AHNAK: variants seen among roughly 807,000 people sequenced by gnomAD.
AHNAK encodes the protein neuroblast differentiation-associated protein AHNAK.
Under a neutral mutation model 37.8 loss-of-function variants are expected in AHNAK, and 23 were observed. The ratio of observed to expected loss-of-function variants is 0.61; its 90% CI spans 0.44 to 0.86. AHNAK has a LOEUF of 0.86. AHNAK is among the 40% of genes least tolerant of loss of function. The pLI, the probability that AHNAK is intolerant of heterozygous loss-of-function variation, is 0.00. For missense variants in AHNAK, 7,411 were observed against 7,319.4 expected (o/e 1.01, Z -0.46); for synonymous variants, 2,481 against 2,636.3 (o/e 0.94, Z 1.80).
At chr11:62,447,209 C>A (rs1441713983) in intron 5 of AHNAK, among the ~76,000 whole-genome samples, 1 of 152,164 alleles carries the variant, frequency 6.6e-6, no homozygotes, top group Non-Finnish European at 1.5e-5. Flanking sequence ...CTATTCCCTC[C>A]TTACTCAAAA....
rs113684030 is a variant in AHNAK at position 62,440,624 on chromosome 11, C to T, written c.443-6733G>A. Among the ~76,000 whole-genome samples, 1,402 of 152,190 alleles carry T rather than the reference C, an allele frequency of 9.2e-3. 21 individuals carry two copies. The highest frequency in any genetic ancestry group is 0.033 in the African/African-American group (1,356 of 41,508). ...GTCATGATCACTTCTTAGTTTAACC[C>T]TATAATCAGGGGGGAAATGATGCTT... On this transcript the variant is annotated intron_variant, in intron 5 of 5. Coordinates refer to the AHNAK transcript ENST00000257247.
chr11:62,514,853 G>A (rs1939979435), downstream of AHNAK, among the ~76,000 whole-genome samples: 3 of 152,150 alleles, frequency 2.0e-5, no homozygotes, highest in African/African-American at 7.2e-5. Context: ...GCTGGCCACG[G>A]TGAGGACAGA....
rs374998460 is a variant in AHNAK, at chr11:62,538,512, C to A, written c.-99-1945G>T. 1.1e-4 allele frequency among the ~76,000 whole-genome samples: 17 copies of A among 152,300 alleles called. No individual in the cohort carries two copies. The East Asian group carries it at 3.3e-3, about 29-fold the overall frequency. On this transcript the variant is annotated intron_variant, in intron 1 of 4. Coordinates refer to ENST00000378024, the MANE Select transcript of AHNAK (RefSeq NM_001620.3). ...ACTATAAGTCATGGGGAACCTAAGCCAAAGCCCCGCCTACAGCCGTTTACA... is the reference window on the plus strand; with the variant it reads ...ACTATAAGTCATGGGGAACCTAAGCAAAAGCCCCGCCTACAGCCGTTTACA...
intron 4 of AHNAK, among the ~76,000 whole-genome samples, chr11:62,506,013 C>CAAA (rs10608015): frequency 2.6e-4 from 11 of 43,046 alleles, no homozygotes; most frequent in Admixed American, 3.8e-4. Context: ...CTGTCTCTAC[C>CAAA]AAAAAAAAAA....
chr11:62,527,785 C>G lies in AHNAK; in HGVS notation c.6632G>C (p.Gly2211Ala), dbSNP rs750680778. ...DMDVSVPKVE[G>A]EMKVPDVDIR... ...GTCAACATCTGGCACTTTCATTTCA[C>G]CTTCTACCTTGGGAACAGACACATC... The change falls in exon 5 of 5, where the codon GGT (glycine) becomes GCT (alanine). Residue 2211 changes from glycine to alanine, a missense_variant. Physicochemically the swap from Gly to Ala is moderately conservative, Grantham distance 60 (BLOSUM62 0). Coordinates refer to ENST00000378024, the MANE Select transcript of AHNAK (RefSeq NM_001620.3). 1.2e-6 allele frequency: 2 copies of G among 1,613,844 alleles called. No homozygotes were observed. The highest frequency in any genetic ancestry group is 1.7e-6 in the Non-Finnish European group (2 of 1,179,978).
At chr11:62,466,488 T>G (rs1938915297) in intron 5 of AHNAK, among the ~76,000 whole-genome samples, 1 of 150,980 alleles carries the variant, frequency 6.6e-6, no homozygotes, top group Non-Finnish European at 1.5e-5. Flanking sequence ...TTTTTTTTTT[T>G]TTTACCAGAC....
At chr11:62,513,263 G>A (rs972221502), downstream of AHNAK, among the ~76,000 whole-genome samples, 5 of 152,190 alleles carry the variant, frequency 3.3e-5, no homozygotes, top group South Asian at 2.1e-4. Context: ...TAGGCCGGGC[G>A]CCATGGCTCA....
chr11:62,457,908 A>ATTTT (rs373610508), intron 5 of AHNAK, among the ~76,000 whole-genome samples: 8 of 123,510 alleles, frequency 6.5e-5, no homozygotes, highest in East Asian at 2.5e-4. Flanking sequence ...GAGAAGCTGA[A>ATTTT]TTTTTTTTTT....
Position 62,526,547 on chromosome 11 carries a change from C to T in AHNAK, c.7870G>A (p.Ala2624Thr). The change falls in exon 5 of 5, where the codon GCC (alanine) becomes ACC (threonine). Residue 2624 changes from alanine (A) to threonine (T), a missense_variant. Coordinates refer to ENST00000378024, the MANE Select transcript of AHNAK (RefSeq NM_001620.3). Reference sequence around the variant, plus strand: ...GGGCCTTGAACACCCACATCTGGGGCATTAATATCCACTTTGGGCCCCTTG... The same window carrying T: ...GGGCCTTGAACACCCACATCTGGGGTATTAATATCCACTTTGGGCCCCTTG... ...DIKGPKVDIN[A>T]PDVGVQGPDW... 6.2e-7 allele frequency: 1 copy of T among 1,612,662 alleles called. No homozygotes were observed. The highest frequency in any genetic ancestry group is 8.5e-7 in the Non-Finnish European group (1 of 1,179,742).
At chr11:62,458,188 G>A (rs772543267) in intron 5 of AHNAK, among the ~76,000 whole-genome samples, 2 of 152,102 alleles carry the variant, frequency 1.3e-5, no homozygotes, top group Non-Finnish European at 2.9e-5. Flanking sequence ...AAAGTGCTGG[G>A]ATTATAGGCG....
intron 5 of AHNAK, among the ~76,000 whole-genome samples, chr11:62,480,826 A>AG (rs1939255426): frequency 2.8e-5 from 4 of 140,656 alleles, no homozygotes; most frequent in Admixed American, 7.7e-5. Context: ...AAAAAAAAAA[A>AG]ACCTGGATTT....
In AHNAK at chr11:62,517,395, A is replaced by C; in HGVS notation, c.17022T>G (p.Val5674=). 1 of 1,614,190 alleles carries C rather than the reference A, an allele frequency of 6.2e-7. No individual in the cohort carries two copies. The highest frequency in any genetic ancestry group is 8.5e-7 in the Non-Finnish European group (1 of 1,180,012). The stretch of plus-strand genomic sequence containing the variant: ...GAACATCCACCCCCATTTCTCTGCC[A>C]ACCAGCTCACGGCCAGAGAAGGTAA... ...PKFTFSGREL[V]GREMGVDVHF... is the part of the protein sequence containing the mutation. The change falls in exon 5 of 5, where the codon GTT becomes GTG. Residue 5674 remains valine (V), a synonymous_variant. Transcript: ENST00000378024.
At position 62,519,987 on chromosome 11, in the gene AHNAK, A is replaced by T. The variant is rs1565225462; in HGVS notation, c.14430T>A (p.Asp4810Glu). 6.2e-7 allele frequency: 1 copy of T among 1,613,544 alleles called. No homozygotes were observed. The highest frequency in any genetic ancestry group is 2.2e-5 in the East Asian group (1 of 44,822). ...VDVSLPKADI[D>E]VSGPKVDVDI... is the part of the protein sequence containing the mutation. ...CAACGTCCACCTTGGGTCCCGAGAC[A>T]TCGATGTCGGCCTTGGGCAGGCTCA... is the stretch of plus-strand genomic sequence containing the variant. Residue 4810 changes from aspartate to glutamate, a missense_variant, in exon 5 of 5, where the codon GAT (aspartate) becomes GAA (glutamate). Transcript: ENST00000378024.
intron 4 of AHNAK, among the ~76,000 whole-genome samples, chr11:62,499,712 A>G (rs937158358): frequency 2.6e-5 from 4 of 152,214 alleles, no homozygotes; most frequent in Non-Finnish European, 4.4e-5. Flanking sequence ...TGGGATGCCA[A>G]TGAGACTTCC....
intron 4 of AHNAK, among the ~76,000 whole-genome samples, chr11:62,503,384 G>A (rs575547483): frequency 6.6e-6 from 1 of 152,088 alleles, no homozygotes; most frequent in African/African-American, 2.4e-5. Flanking sequence ...TAAGGAGTTC[G>A]AGACCAGCCT....
At chr11:62,485,078 C>T (rs1468236395) in intron 5 of AHNAK, among the ~76,000 whole-genome samples, 4 of 152,088 alleles carry the variant, frequency 2.6e-5, no homozygotes, top group Non-Finnish European at 1.5e-5. Context: ...CGTGAGCCAC[C>T]GTGCCTGGCC....
At chr11:62,438,490 A>AT (rs1430136816) in intron 5 of AHNAK, among the ~76,000 whole-genome samples, 3 of 151,582 alleles carry the variant, frequency 2.0e-5, no homozygotes, top group African/African-American at 4.8e-5. Flanking sequence ...TCTTTTTCTC[A>AT]TTTTTTTAAT....
intron 5 of AHNAK, among the ~76,000 whole-genome samples, chr11:62,443,578 T>A (rs1209204436): frequency 6.6e-6 from 1 of 152,164 alleles, no homozygotes; most frequent in Admixed American, 6.6e-5. Context: ...GGCTGGGTCT[T>A]GCTCATCTTG....
chr11:62,527,616 C>T lies in AHNAK; in HGVS notation c.6801G>A (p.Leu2267=), dbSNP rs1319208664. 20 of 1,613,950 alleles carry T rather than the reference C, an allele frequency of 1.2e-5. No individual in the cohort carries two copies. The highest frequency in any genetic ancestry group is 1.7e-5 in the Non-Finnish European group (20 of 1,179,996). ...CTGAGACATCAACGTCAGCCTTGGG[C>T]AAGTTCACATCCACTTCTGGGCCCT... ...KGEGPEVDVN[L]PKADVDVSGP... Residue 2267 remains leucine (L), a synonymous_variant, in exon 5 of 5, where the codon TTG becomes TTA. Transcript: ENST00000378024.
Sources: gnomAD v4.1 joint callset for allele counts (sites outside exome capture counted in the v4.1 genomes callset) on GRCh38, gnomAD v4.1.1 for gene constraint, MANE v1.5 for transcripts, NCBI Gene and HGNC (gene_info 2026-07-23, HGNC 2026-07-21) for gene names.